Variants in NCK2 observed in about 807,000 individuals in gnomAD.
NCK2 encodes NCK adaptor protein 2, also known as cytoplasmic protein NCK2.
In NCK2, 16 loss-of-function variants were observed where a neutral mutation model predicts 33.9. The ratio of observed to expected loss-of-function variants is 0.47; its 90% confidence interval spans 0.32 to 0.72. The LOEUF (loss-of-function observed/expected upper bound fraction) is 0.72, where lower values mean the gene tolerates loss of function less well. Ranked by LOEUF, NCK2 falls within the 30% of genes least tolerant of loss-of-function variation. NCK2 has a pLI of 0.03. For synonymous variants in NCK2, 273 were observed against 239.9 expected, an observed-to-expected ratio of 1.14 and a Z score of -1.27; for missense variants, 418 against 537.3, an observed-to-expected ratio of 0.78 and a Z score of 2.19.
At chr2:105,760,400 C>T (rs1689730972) in intron 1 of NCK2, among the ~76,000 whole-genome samples, 1 of 152,122 alleles carries the variant, frequency 6.6e-6, no homozygotes, top group Non-Finnish European at 1.5e-5. Context: ...CACGAGTTCC[C>T]CAGGTGATTC....
chr2:105,855,355 TTAG>T (rs1677217533), intron 3 of NCK2, 66 bp downstream of exon 3: 1 of 1,259,084 alleles, frequency 7.9e-7, no homozygotes, highest in African/African-American at 1.8e-5. Context: ...GTCTTTCTAG[TTAG>T]TTTGCTGTTT....
intron 1 of NCK2, among the ~76,000 whole-genome samples, chr2:105,812,215 T>C (rs1675315563): frequency 6.6e-6 from 1 of 152,202 alleles, no homozygotes; most frequent in Admixed American, 6.5e-5. Flanking sequence ...CAGCTGTTTC[T>C]AAACCCTGCC....
intron 3 of NCK2, among the ~76,000 whole-genome samples, chr2:105,864,740 G>A (rs1677679794): frequency 6.6e-6 from 1 of 151,740 alleles, no homozygotes; most frequent in Non-Finnish European, 1.5e-5. Context: ...GACTGGACCT[G>A]GCCTTCTCTT....
chr2:105,862,024 A>C (rs1677560741), intron 3 of NCK2, among the ~76,000 whole-genome samples: 1 of 151,704 alleles, frequency 6.6e-6, no homozygotes, highest in Non-Finnish European at 1.5e-5. Context: ...TGTAAACTGC[A>C]ACCAGGGAAG....
At chr2:105,885,852 G>C (rs1486720019) in intron 4 of NCK2, among the ~76,000 whole-genome samples, 2 of 152,124 alleles carry the variant, frequency 1.3e-5, no homozygotes, top group Non-Finnish European at 2.9e-5. Context: ...TTTGTTGAGT[G>C]GGATTTATCT....
chr2:105,781,532 A>C (rs1690497174), intron 1 of NCK2, among the ~76,000 whole-genome samples: 1 of 152,250 alleles, frequency 6.6e-6, no homozygotes, highest in Non-Finnish European at 1.5e-5. Flanking sequence ...ACAGCCTAGC[A>C]GTTAAGATCT....
At chr2:105,811,759 CTG>C (rs1348439407) in intron 1 of NCK2, among the ~76,000 whole-genome samples, 2 of 152,214 alleles carry the variant, frequency 1.3e-5, no homozygotes, top group Non-Finnish European at 2.9e-5. Flanking sequence ...TCTCCCTTCT[CTG>C]TAAGCCCCTA....
At chr2:105,758,844 G>A (rs535716149) in intron 1 of NCK2, among the ~76,000 whole-genome samples, 7 of 152,290 alleles carry the variant, frequency 4.6e-5, no homozygotes, top group African/African-American at 1.7e-4. Context: ...TCCAAAGGTT[G>A]GAACTGATTT....
chr2:105,789,419 C>A (rs943396828), intron 1 of NCK2, among the ~76,000 whole-genome samples: 4 of 152,132 alleles, frequency 2.6e-5, no homozygotes, highest in African/African-American at 9.7e-5. Context: ...CAACTCCTGG[C>A]CTCAAGTGAT....
chr2:105,862,294 C>G lies in NCK2; in HGVS notation c.226+7005C>G, dbSNP rs150248703. Among the ~76,000 whole-genome samples the G allele has an allele frequency of 2.7e-3, 414 of 152,144 alleles. 1 individual carries two copies. Among genetic ancestry groups the G allele is most frequent in the Non-Finnish European group, 4.8e-3 (323 of 67,988 alleles). ...CTAAGCATGCTGATTTTACTTAGAT[C>G]AAAAGACCCAGGTTAGTCGAGTAGT... On this transcript the variant is annotated intron_variant, in intron 3 of 4. Transcript: ENST00000233154.
At chr2:105,883,365 A>G (rs1678587018) in intron 4 of NCK2, among the ~76,000 whole-genome samples, 1 of 152,234 alleles carries the variant, frequency 6.6e-6, no homozygotes, top group African/African-American at 2.4e-5. Context: ...AAAGCGCTGG[A>G]AAACCAATTA....
intron 2 of NCK2, among the ~76,000 whole-genome samples, chr2:105,823,145 TG>T (rs1675810428): frequency 2.7e-5 from 2 of 72,740 alleles, no homozygotes; most frequent in Non-Finnish European, 7.0e-5. Flanking sequence ...TGTGTGTGTG[TG>T]TGTGTGTGTG....
At chr2:105,871,535 G>A (rs916323235) in intron 3 of NCK2, among the ~76,000 whole-genome samples, 9 of 151,198 alleles carry the variant, frequency 6.0e-5, no homozygotes, top group African/African-American at 1.5e-4. Context: ...TCCCTCTGTC[G>A]CCCAGGCTGG....
intron 3 of NCK2, among the ~76,000 whole-genome samples, chr2:105,861,836 C>T (rs1008119754): frequency 1.3e-5 from 2 of 152,028 alleles, no homozygotes; most frequent in African/African-American, 4.8e-5. Flanking sequence ...TTTTAAAGCA[C>T]ACCAAGTCTT....
At chr2:105,835,349 A>G (rs1342501615) in intron 2 of NCK2, among the ~76,000 whole-genome samples, 1 of 141,174 alleles carries the variant, frequency 7.1e-6, no homozygotes, top group East Asian at 2.1e-4. Context: ...TGGGTATAGT[A>G]TTCTTGGCTG....
At chr2:105,857,619 G>A (rs1442423003) in intron 3 of NCK2, among the ~76,000 whole-genome samples, 1 of 152,200 alleles carries the variant, frequency 6.6e-6, no homozygotes, top group Non-Finnish European at 1.5e-5. Context: ...TTAAGCATTA[G>A]CTATTGTAAA....
chr2:105,793,316 T>C (rs955994088), intron 1 of NCK2, among the ~76,000 whole-genome samples: 6 of 151,424 alleles, frequency 4.0e-5, no homozygotes, highest in African/African-American at 1.5e-4. Context: ...TTGTCAACTG[T>C]CATGGTCCTA....
chr2:105,862,935 G>GTTTCCAAACTT (rs1465446484), intron 3 of NCK2, among the ~76,000 whole-genome samples: 18 of 152,176 alleles, frequency 1.2e-4, no homozygotes, highest in Non-Finnish European at 2.2e-4. Flanking sequence ...AGTGCCCTAA[G>GTTTCCAAACTT]TTTGGCATAA....
rs1358884018 is a variant in NCK2, at chr2:105,893,564, G to C, written c.*388G>C. The C allele has an allele frequency of 1.4e-5, 3 of 221,046 alleles. No individual in the cohort carries two copies. The highest frequency in any genetic ancestry group is 2.8e-5 in the Non-Finnish European group (3 of 106,578). The allele number at this position is 221,046 out of a possible 1,614,324, so 13.7% of individuals were successfully genotyped here. On this transcript the variant is annotated 3_prime_UTR_variant, in exon 5 of 5. Coordinates refer to ENST00000233154, the MANE Select transcript of NCK2 (RefSeq NM_003581.5). ...GTGTCCTGGGCACTCAGCGTGCTGG[G>C]CAGAGCAGGTGCGATGGCCCCAGTC...
Sources: allele counts gnomAD v4.1 joint callset (sites outside exome capture counted in the v4.1 genomes callset), GRCh38; gene constraint gnomAD v4.1.1; transcripts MANE v1.5; gene names NCBI Gene and HGNC (gene_info 2026-07-23, HGNC 2026-07-21).